The following DDC variants were observed in gnomAD, a reference collection of about 807,000 sequenced individuals.
The protein encoded by DDC is aromatic-L-amino-acid decarboxylase.
In DDC, 43 loss-of-function variants were observed where a neutral mutation model predicts 60.0. That is an observed-to-expected ratio of 0.72 (90% confidence interval 0.56 to 0.92). The LOEUF (loss-of-function observed/expected upper bound fraction) is 0.92, where lower values mean the gene tolerates loss of function less well. Among genes scored for constraint, DDC ranks in the 40% least tolerant of loss-of-function variants. The pLI, the probability that DDC is intolerant of heterozygous loss-of-function variation, is 0.00. For synonymous variants in DDC, 232 were observed against 234.6 expected (o/e 0.99, Z 0.10); for missense variants, 573 against 620.2 (o/e 0.92, Z 0.81).
At position 50,488,634 on chromosome 7, in the gene DDC, T is replaced by G. The variant is rs563369647; in HGVS notation, c.944+6716A>C. 7.2e-5 allele frequency among the ~76,000 whole-genome samples: 11 copies of G among 152,222 alleles called. No homozygotes were observed. In the South Asian group the frequency reaches 2.1e-3, roughly 29 times the overall value. On this transcript the variant is annotated intron_variant, in intron 9 of 14. Coordinates refer to ENST00000444124, the MANE Select transcript of DDC (RefSeq NM_001082971.2). ...TAAAAAGAGAATTTATGAAAAAATA[T>G]TTATGTGATCAAGTTGGCCATAATT...
chr7:50,510,720 G>A lies in DDC; in HGVS notation c.715-6661C>T, dbSNP rs1483196255. Among the ~76,000 whole-genome samples, 9 of 149,356 alleles carry A rather than the reference G, an allele frequency of 6.0e-5. No individual in the cohort carries two copies. In the East Asian group the frequency reaches 9.8e-4, roughly 16 times the overall value. Reference sequence around the variant, plus strand: ...AAGATGGCAGGGCACGGTGGCTCACGCCTGTAATCACAGCACTTTGGGAGG... The same window carrying A: ...AAGATGGCAGGGCACGGTGGCTCACACCTGTAATCACAGCACTTTGGGAGG... On this transcript the variant is annotated intron_variant, in intron 6 of 14. Transcript: ENST00000444124.
intron 6 of DDC, among the ~76,000 whole-genome samples, chr7:50,523,919 G>A (rs1444528467): frequency 6.6e-6 from 1 of 152,192 alleles, no homozygotes; most frequent in Non-Finnish European, 1.5e-5. Context: ...AAGCAAACAA[G>A]ATGTCCTTCA....
intron 11 of DDC, among the ~76,000 whole-genome samples, chr7:50,476,180 T>C (rs946773607): frequency 2.0e-5 from 3 of 152,172 alleles, no homozygotes; most frequent in African/African-American, 7.2e-5. Flanking sequence ...TCAACACTTG[T>C]TTCAAATAAA....
rs1209249067 is a variant in DDC at position 50,494,511 on chromosome 7, A to AG, written c.944+838dup. Among the ~76,000 whole-genome samples, 3 of 152,106 alleles carry AG rather than the reference A, an allele frequency of 2.0e-5. No individual in the cohort carries two copies. In the East Asian group the frequency reaches 5.8e-4, roughly 29 times the overall value. On this transcript the variant is annotated intron_variant, in intron 9 of 14. Transcript: ENST00000444124. Reference sequence around the variant, plus strand: ...AGAATGAGACACTGTCTCAAAAAAAAGAAAGAAAGAAAGAAAAGATTTTGA... The same window carrying AG: ...AGAATGAGACACTGTCTCAAAAAAAAGGAAAGAAAGAAAGAAAAGATTTTGA...
chr7:50,470,166 C>T lies in DDC; in HGVS notation c.1047G>A (p.Trp349Ter), dbSNP rs1171865056. 6.2e-7 allele frequency: 1 copy of T among 1,607,364 alleles called. No individual in the cohort carries two copies. Among genetic ancestry groups the T allele is most frequent in the Non-Finnish European group, 8.5e-7 (1 of 1,174,008 alleles). ...GAAATCTTCTGCCCAGTGGTATCTG[C>T]CAATGCTGAAATGAAACATGAAACA... ...DSGLITDYRH[W>*]QIPLGRRFRS... Residue 349 changes from tryptophan (W) to a stop codon, truncating the protein, a stop_gained, in exon 12 of 15, where the codon TGG (tryptophan) becomes TGA (stop). Coordinates refer to ENST00000444124, the MANE Select transcript of DDC (RefSeq NM_001082971.2). LOFTEE classifies it high-confidence loss of function.
chr7:50,550,058 G>A (rs1000142591), intron 1 of DDC, among the ~76,000 whole-genome samples: 18 of 152,220 alleles, frequency 1.2e-4, no homozygotes, highest in Admixed American at 3.3e-4. Flanking sequence ...GTTCTACTGG[G>A]GGTAAAATGC....
intron 1 of DDC, among the ~76,000 whole-genome samples, chr7:50,560,477 C>T (rs1038030025): frequency 6.6e-6 from 1 of 152,108 alleles, no homozygotes; most frequent in Non-Finnish European, 1.5e-5. Context: ...TAAAATCAAA[C>T]CTGGTTTTTA....
rs567466728 is a variant in DDC at position 50,459,469 on chromosome 7, G to A, written c.*19-626C>T. ...TGCCTGGCTACCCAGTCTGGAAAGT[G>A]AGGAGCGTCTCTGCCCGGCCGCCAT... On this transcript the variant is annotated intron_variant, in intron 14 of 14. Coordinates refer to ENST00000444124, the MANE Select transcript of DDC (RefSeq NM_001082971.2). Among the ~76,000 whole-genome samples the A allele has an allele frequency of 1.3e-3, 204 of 151,604 alleles. 1 individual carries two copies. Among genetic ancestry groups the A allele is most frequent in the African/African-American group, 4.9e-3 (201 of 41,140 alleles).
chr7:50,465,797 G>A (rs1456441467), intron 13 of DDC, among the ~76,000 whole-genome samples: 1 of 152,280 alleles, frequency 6.6e-6, no homozygotes, highest in African/African-American at 2.4e-5. Context: ...CTTGACAGCA[G>A]ATGAGTCTAA....
At chr7:50,529,068 G>A in intron 5 of DDC, 140 bp downstream of exon 5, 1 of 1,118,868 alleles carries the variant, frequency 8.9e-7, no homozygotes, top group Non-Finnish European at 1.4e-6. Flanking sequence ...CCCCTTCCCT[G>A]TAGTTCAGGT....
intron 6 of DDC, among the ~76,000 whole-genome samples, chr7:50,517,710 T>C (rs1235313087): frequency 6.7e-6 from 1 of 148,714 alleles, no homozygotes; most frequent in Non-Finnish European, 1.5e-5. Flanking sequence ...CTAAAACTGA[T>C]AAAAGAATTC....
chr7:50,521,035 T>C (rs1359349676), intron 6 of DDC, among the ~76,000 whole-genome samples: 1 of 151,932 alleles, frequency 6.6e-6, no homozygotes, highest in Admixed American at 6.6e-5. Context: ...AAAAGCTGAC[T>C]CTTTGAAATG....
chr7:50,498,360 A>G (rs1017240509), intron 8 of DDC, among the ~76,000 whole-genome samples: 18 of 152,200 alleles, frequency 1.2e-4, no homozygotes, highest in Non-Finnish European at 1.5e-4. Context: ...GGCCAGTGCC[A>G]CAGCTCCCCT....
At chr7:50,460,295 G>C (rs1295690377) in intron 14 of DDC, among the ~76,000 whole-genome samples, 1 of 144,256 alleles carries the variant, frequency 6.9e-6, no homozygotes. Context: ...GCCTCTGCCC[G>C]GCCGCCCCTA....
rs1562990172 is a variant in DDC at position 50,479,782 on chromosome 7, C to G, written c.1021+5G>C. 1 of 1,613,172 alleles carries G rather than the reference C, an allele frequency of 6.2e-7. No individual in the cohort carries two copies. ...CAGTCCACAGAAAGCAGGCTCACAG[C>G]TTACCTGAATCCTGATGGCTGTGCT... On this transcript the variant is annotated splice_donor_5th_base_variant and intron_variant, in intron 10 of 14. Transcript: ENST00000444124.
intron 6 of DDC, among the ~76,000 whole-genome samples, chr7:50,523,845 A>G (rs2043965791): frequency 6.6e-6 from 1 of 152,258 alleles, no homozygotes. Context: ...TTGAAAACTT[A>G]TGTACACACA....
chr7:50,556,281 G>A (rs567961158), intron 1 of DDC, among the ~76,000 whole-genome samples: 63 of 152,152 alleles, frequency 4.1e-4, no homozygotes, highest in Non-Finnish European at 6.8e-4. Context: ...TTAAGGCCCC[G>A]GCAGATTTGG....
chr7:50,517,576 A>G (rs186525514), intron 6 of DDC, among the ~76,000 whole-genome samples: 26 of 152,328 alleles, frequency 1.7e-4, no homozygotes, highest in Non-Finnish European at 2.6e-4. Context: ...TCCTAGCCAC[A>G]GCAATCAGAC....
intron 9 of DDC, among the ~76,000 whole-genome samples, chr7:50,486,931 T>C (rs2042891807): frequency 6.6e-6 from 1 of 152,180 alleles, no homozygotes; most frequent in Non-Finnish European, 1.5e-5. Flanking sequence ...GATGAATACA[T>C]AATTGACTAT....
Sources: allele counts gnomAD v4.1 joint callset (sites outside exome capture counted in the v4.1 genomes callset), GRCh38; gene constraint gnomAD v4.1.1; transcripts MANE v1.5; gene names NCBI Gene and HGNC (gene_info 2026-07-23, HGNC 2026-07-21).